NOD1: variants seen among roughly 807,000 people sequenced by gnomAD.
The protein encoded by NOD1 is nucleotide-binding oligomerization domain-containing protein 1.
Under a neutral mutation model 81.2 loss-of-function variants are expected in NOD1, and 70 were observed. The ratio of observed to expected loss-of-function variants is 0.86; its 90% CI spans 0.71 to 1.05. The LOEUF (loss-of-function observed/expected upper bound fraction) is 1.05. NOD1 is among the 50% of genes least tolerant of loss of function. The pLI, the probability that NOD1 is intolerant of heterozygous loss-of-function variation, is 0.00. For synonymous variants in NOD1, 508 were observed against 526.9 expected (o/e 0.96, Z 0.49); for missense variants, 1,233 against 1,228.0 (o/e 1.00, Z -0.06).
intron 9 of NOD1, among the ~76,000 whole-genome samples, chr7:30,438,374 C>T (rs1784568255): frequency 6.6e-6 from 1 of 152,212 alleles, no homozygotes; most frequent in Admixed American, 6.5e-5. Context: ...GTCTCTTGGA[C>T]CTCAGTTGCC....
chr7:30,464,394 T>A (rs997904706), intron 1 of NOD1, among the ~76,000 whole-genome samples: 1 of 152,196 alleles, frequency 6.6e-6, no homozygotes, highest in African/African-American at 2.4e-5. Flanking sequence ...AGCTGTTCAT[T>A]CCTTCTACAG....
rs562828590 is a variant in NOD1, at chr7:30,476,052, A to G, written c.-352+2554T>C. On this transcript the variant is annotated intron_variant, in intron 1 of 13. Transcript: ENST00000222823. ...AAAATACCTAGAGCCTCTGCATGAC[A>G]AAAATTCAGCATAAGTACACATTTT... is the stretch of plus-strand genomic sequence containing the variant. 20 of 152,360 alleles carry G rather than the reference A, an allele frequency of 1.3e-4. No individual in the cohort carries two copies. The South Asian group carries it at 2.7e-3, about 21-fold the overall frequency. The allele number at this position is 152,360 out of a possible 1,614,324, so 9.4% of individuals were successfully genotyped here. A position where few individuals can be genotyped will look rare whatever the true frequency, so the allele number is the denominator to read the frequency against.
chr7:30,448,220 G>T, intron 7 of NOD1, 78 bp downstream of exon 7: 1 of 1,190,288 alleles, frequency 8.4e-7, no homozygotes, highest in Non-Finnish European at 1.3e-6. Context: ...ATCATCCAGG[G>T]ACCTATGGGA....
At chr7:30,433,802 A>G (rs1202053263) in intron 11 of NOD1, among the ~76,000 whole-genome samples, 1 of 152,060 alleles carries the variant, frequency 6.6e-6, no homozygotes, top group Non-Finnish European at 1.5e-5. Context: ...ATAGAACAGA[A>G]AGAACATTTA....
intron 1 of NOD1, among the ~76,000 whole-genome samples, chr7:30,464,226 T>C (rs1787450765): frequency 6.6e-6 from 1 of 152,208 alleles, no homozygotes; most frequent in African/African-American, 2.4e-5. Context: ...GGCCCGGCCA[T>C]GCCTGCCTGA....
intron 1 of NOD1, among the ~76,000 whole-genome samples, chr7:30,466,121 T>C (rs1477986515): frequency 6.6e-6 from 1 of 152,242 alleles, no homozygotes; most frequent in Non-Finnish European, 1.5e-5. Context: ...TTCTAGGATA[T>C]AACTTTATGG....
intron 10 of NOD1, among the ~76,000 whole-genome samples, chr7:30,436,460 T>G (rs1047533463): frequency 6.6e-6 from 1 of 152,264 alleles, no homozygotes; most frequent in Non-Finnish European, 1.5e-5. Context: ...CTTCTGCTAC[T>G]GTCCCCACCT....
intron 1 of NOD1, chr7:30,468,807 T>C (rs146858663): frequency 2.0e-6 from 2 of 984,232 alleles, no homozygotes; most frequent in Admixed American, 6.1e-5. Context: ...ATGATTCATT[T>C]TGGTGAATTT....
intron 1 of NOD1, among the ~76,000 whole-genome samples, chr7:30,461,005 CCAT>C (rs1324280925): frequency 6.6e-6 from 1 of 152,160 alleles, no homozygotes; most frequent in Non-Finnish European, 1.5e-5. Context: ...AAAAAGGAGA[CCAT>C]AGAGCAGCTC....
intron 9 of NOD1, among the ~76,000 whole-genome samples, chr7:30,445,419 A>T (rs934979514): frequency 7.2e-5 from 11 of 152,118 alleles, no homozygotes; most frequent in Non-Finnish European, 1.0e-4. Context: ...TGAGTAAACA[A>T]AATGTGGCAT....
Position 30,451,988 on chromosome 7 carries a change from CAA to C in NOD1, c.1427_1428del (p.Phe476CysfsTer33). ...GCCTGCACCTCCTCCTGGGTGAAGA[CAA>C]AGAGGCTCTTCTCCATGCCCCGGTG... is the stretch of plus-strand genomic sequence containing the variant. The part of the protein sequence containing the change: ...VAHRGMEKSL[F>X]VFTQEEVQAS... On this transcript the variant is annotated frameshift_variant, in exon 6 of 14. Transcript: ENST00000222823. LOFTEE classifies it high-confidence loss of function. This position sits in a 1 kb window ranked among gnomAD's most constrained non-coding sequence, Gnocchi z 4.2. 3 of 1,613,594 alleles carry C rather than the reference CAA, an allele frequency of 1.9e-6. No individual in the cohort carries two copies. The South Asian group carries it at 3.3e-5, about 18-fold the overall frequency.
chr7:30,451,338 G>A lies in NOD1; in HGVS notation c.2079C>T (p.Ser693=), dbSNP rs758047934. The A allele has an allele frequency of 1.9e-6, 3 of 1,614,208 alleles. No individual in the cohort carries two copies. The highest frequency in any genetic ancestry group is 2.5e-6 in the Non-Finnish European group (3 of 1,180,046). ...TYCNACSADC[S]ALSFVLHHFP... ...AGTGATGCAGGACGAAGGAGAGGGCGCTGCAGTCGGCCGAGCAGGCGTTGC... is the reference window on the plus strand; with the variant it reads ...AGTGATGCAGGACGAAGGAGAGGGCACTGCAGTCGGCCGAGCAGGCGTTGC... Residue 693 remains serine, a synonymous_variant, in exon 6 of 14, where the codon AGC becomes AGT. Coordinates refer to ENST00000222823, the MANE Select transcript of NOD1 (RefSeq NM_006092.4). The surrounding 1 kb of genome is among the most constrained non-coding windows in gnomAD (Gnocchi z 4.2).
In NOD1 at chr7:30,452,921, G is replaced by T. The variant is rs1230555945; in HGVS notation, c.496C>A (p.Leu166Met). 2 of 1,613,898 alleles carry T rather than the reference G, an allele frequency of 1.2e-6. No individual in the cohort carries two copies. The highest frequency in any genetic ancestry group is 1.7e-6 in the Non-Finnish European group (2 of 1,180,040). ...AGGCTCTCATTGCTGAAGCCAACCAGCTCCATGATGGTGTCCATGTAGATC... is the reference window on the plus strand; with the variant it reads ...AGGCTCTCATTGCTGAAGCCAACCATCTCCATGATGGTGTCCATGTAGATC... ...EEIYMDTIME[L>M]VGFSNESLGS... The change falls in exon 6 of 14, where the codon CTG becomes ATG. Residue 166 changes from leucine (L) to methionine (M), a missense_variant. Coordinates refer to ENST00000222823, the MANE Select transcript of NOD1 (RefSeq NM_006092.4).
intron 12 of NOD1, among the ~76,000 whole-genome samples, chr7:30,429,786 C>T (rs1412064103): frequency 6.6e-6 from 1 of 152,190 alleles, no homozygotes; most frequent in African/African-American, 2.4e-5. Flanking sequence ...AATCCCAGCA[C>T]TTTGGGAGGC....
At chr7:30,454,752 C>T (rs957517640) in intron 5 of NOD1, among the ~76,000 whole-genome samples, 1 of 152,274 alleles carries the variant, frequency 6.6e-6, no homozygotes, top group South Asian at 2.1e-4. Flanking sequence ...CTTGCCTCAG[C>T]CTCCTGAGTA....
At chr7:30,435,632 C>T (rs1562658238) in intron 11 of NOD1, among the ~76,000 whole-genome samples, 1 of 152,106 alleles carries the variant, frequency 6.6e-6, no homozygotes, top group Non-Finnish European at 1.5e-5. Flanking sequence ...CCATGTGCAG[C>T]CCCTGGGATA....
intron 10 of NOD1, among the ~76,000 whole-genome samples, chr7:30,436,739 C>T (rs1375703264): frequency 6.6e-6 from 1 of 152,186 alleles, no homozygotes; most frequent in Non-Finnish European, 1.5e-5. Context: ...CTGGAAATGT[C>T]CTCTGTCTTG....
chr7:30,452,446 T>C lies in NOD1; in HGVS notation c.971A>G (p.Lys324Arg), dbSNP rs746413480. ...LANLLSGKLL[K>R]GASKLLTART... ...GGCTGTGAGCAGCTTGCTAGCCCCC[T>C]TGAGCAGCTTCCCACTGAGCAGGTT... Residue 324 changes from lysine to arginine, a missense_variant, in exon 6 of 14, where the codon AAG (lysine) becomes AGG (arginine). By Grantham distance (26) the Lys-to-Arg change is conservative (BLOSUM62 2). Transcript: ENST00000222823. 3 of 1,613,348 alleles carry C rather than the reference T, an allele frequency of 1.9e-6. No individual in the cohort carries two copies. The highest frequency in any genetic ancestry group is 2.2e-5 in the South Asian group (2 of 91,074).
intron 10 of NOD1, among the ~76,000 whole-genome samples, chr7:30,436,514 G>A (rs954958069): frequency 6.6e-6 from 1 of 152,252 alleles, no homozygotes; most frequent in African/African-American, 2.4e-5. Context: ...CAGCAGAGCC[G>A]TGGACATACC....
Sources: allele counts gnomAD v4.1 joint callset (sites outside exome capture counted in the v4.1 genomes callset), GRCh38; gene constraint gnomAD v4.1.1; non-coding constraint Gnocchi (gnomAD v3.1); transcripts MANE v1.5; gene names NCBI Gene and HGNC (gene_info 2026-07-23, HGNC 2026-07-21).